Variants in MAGI1 observed in about 807,000 individuals in gnomAD.
MAGI1 encodes membrane-associated guanylate kinase, WW and PDZ domain-containing protein 1.
In MAGI1, 58 loss-of-function variants were observed where a neutral mutation model predicts 139.9. That is an observed-to-expected ratio of 0.41 (90% confidence interval 0.34 to 0.52). MAGI1 has a LOEUF of 0.52. Ranked by LOEUF, MAGI1 falls within the 20% of genes least tolerant of loss-of-function variation. The pLI is 0.12. For missense variants in MAGI1, 1,874 were observed against 1,901.6 expected, an observed-to-expected ratio of 0.99 and a Z score of 0.27; for synonymous variants, 812 against 737.9, an observed-to-expected ratio of 1.10 and a Z score of -1.63.
intron 2 of MAGI1, among the ~76,000 whole-genome samples, chr3:65,600,384 A>C (rs2082421458): frequency 6.6e-6 from 1 of 152,200 alleles, no homozygotes; most frequent in Non-Finnish European, 1.5e-5. Flanking sequence ...ATTATTTTCA[A>C]TCAGAGCTCC....
chr3:65,579,375 T>C (rs904552094), intron 2 of MAGI1, among the ~76,000 whole-genome samples: 2 of 152,086 alleles, frequency 1.3e-5, no homozygotes, highest in Non-Finnish European at 2.9e-5. Context: ...CCTTATACAG[T>C]TCCTTTCTGT....
At chr3:66,010,352 C>A (rs1320971067) in intron 1 of MAGI1, among the ~76,000 whole-genome samples, 1 of 152,082 alleles carries the variant, frequency 6.6e-6, no homozygotes, top group Admixed American at 6.5e-5. Flanking sequence ...TATGCATATC[C>A]CTAGGCAATA....
chr3:65,973,140 C>A (rs1008960324), intron 1 of MAGI1, among the ~76,000 whole-genome samples: 1 of 151,776 alleles, frequency 6.6e-6, no homozygotes. Flanking sequence ...CACAGTGAGA[C>A]CCTGTCTCAA....
intron 1 of MAGI1, among the ~76,000 whole-genome samples, chr3:65,935,533 G>A (rs758934376): frequency 2.6e-5 from 4 of 152,156 alleles, no homozygotes; most frequent in Admixed American, 6.5e-5. Context: ...GAGATGGAAG[G>A]ATCGCTTGAG....
chr3:65,849,001 C>CTGTTTTTTTTTTTT (rs2059106875), intron 1 of MAGI1, among the ~76,000 whole-genome samples: 1 of 39,636 alleles, frequency 2.5e-5, no homozygotes, highest in East Asian at 1.1e-3. Context: ...TCAGAGCATT[C>CTGTTTTTTTTTTTT]TTTTTTTTTT....
In MAGI1 at chr3:65,921,437, T is replaced by C. The variant is rs1451833006; in HGVS notation, c.313+116559A>G. 4.6e-5 allele frequency among the ~76,000 whole-genome samples: 7 copies of C among 151,816 alleles called. No homozygotes were observed. In the East Asian group the frequency reaches 1.4e-3, roughly 30 times the overall value. ...AATTCTCCCATCTCAGCCTCCCGAG[T>C]AGCTGGGACTACAGATATGCGCCAC... On this transcript the variant is annotated intron_variant, in intron 1 of 22. Coordinates refer to ENST00000402939, the MANE Select transcript of MAGI1 (RefSeq NM_001033057.2).
At position 65,846,545 on chromosome 3, in the gene MAGI1, A is replaced by G. The variant is rs59122152; in HGVS notation, c.313+191451T>C. Among the ~76,000 whole-genome samples the G allele has an allele frequency of 1.4e-3, 215 of 152,368 alleles. 2 individuals carry two copies. Among genetic ancestry groups the G allele is most frequent in the African/African-American group, 4.8e-3 (198 of 41,598 alleles). On this transcript the variant is annotated intron_variant, in intron 1 of 22. Coordinates refer to ENST00000402939, the MANE Select transcript of MAGI1 (RefSeq NM_001033057.2). ...CACCAGAGTCATAATAGGGCCCCAC[A>G]AAGGTCCTTATAGTAAGTCTGAGTA...
intron 1 of MAGI1, among the ~76,000 whole-genome samples, chr3:65,710,672 G>C (rs1559809094): frequency 1.3e-5 from 2 of 152,150 alleles, no homozygotes; most frequent in African/African-American, 4.8e-5. Flanking sequence ...AGACAATGCA[G>C]ATAGATACAG....
At chr3:65,590,283 A>C (rs570736326) in intron 2 of MAGI1, among the ~76,000 whole-genome samples, 5 of 152,280 alleles carry the variant, frequency 3.3e-5, no homozygotes, top group Admixed American at 3.3e-4. Flanking sequence ...TGTGAGGGTA[A>C]AGCTATTTTG....
chr3:65,487,535 G>A (rs898081938), intron 3 of MAGI1, among the ~76,000 whole-genome samples: 1 of 152,110 alleles, frequency 6.6e-6, no homozygotes, highest in East Asian at 1.9e-4. Flanking sequence ...CTGGATTTCA[G>A]TTCTATCATC....
intron 1 of MAGI1, among the ~76,000 whole-genome samples, chr3:66,001,013 T>C (rs749506025): frequency 2.0e-5 from 3 of 152,190 alleles, no homozygotes; most frequent in Non-Finnish European, 4.4e-5. Flanking sequence ...TGGAGATACA[T>C]AGCAAAATGG....
intron 1 of MAGI1, among the ~76,000 whole-genome samples, chr3:66,011,468 A>G (rs1250519598): frequency 6.6e-6 from 1 of 152,180 alleles, no homozygotes; most frequent in African/African-American, 2.4e-5. Flanking sequence ...GCCCACATGC[A>G]GTGAACACTA....
intron 1 of MAGI1, among the ~76,000 whole-genome samples, chr3:65,916,844 T>C (rs763812799): frequency 1.3e-5 from 2 of 151,708 alleles, no homozygotes; most frequent in Non-Finnish European, 2.9e-5. Flanking sequence ...AGAAACCAAA[T>C]AATGAAATAA....
intron 1 of MAGI1, among the ~76,000 whole-genome samples, chr3:65,665,294 A>G (rs2086442529): frequency 6.6e-6 from 1 of 152,126 alleles, no homozygotes; most frequent in Non-Finnish European, 1.5e-5. Flanking sequence ...GAAAAAGAAA[A>G]CGGAAATTGG....
At chr3:65,631,633 C>T (rs146242627) in intron 1 of MAGI1, among the ~76,000 whole-genome samples, 1 of 152,158 alleles carries the variant, frequency 6.6e-6, no homozygotes, top group Non-Finnish European at 1.5e-5. Flanking sequence ...CCAGAAAGAT[C>T]ATATTAGCTT....
intron 1 of MAGI1, among the ~76,000 whole-genome samples, chr3:65,692,594 T>C (rs2088778782): frequency 6.6e-6 from 1 of 152,146 alleles, no homozygotes; most frequent in Admixed American, 6.5e-5. Context: ...GAGGCTGCTA[T>C]GGTTTGAATG....
intron 1 of MAGI1, among the ~76,000 whole-genome samples, chr3:65,962,406 C>T (rs566543978): frequency 1.3e-3 from 200 of 152,044 alleles, no homozygotes; most frequent in African/African-American, 4.6e-3. Flanking sequence ...CAGGCGTGAG[C>T]CACCGCGCCC....
intron 1 of MAGI1, among the ~76,000 whole-genome samples, chr3:65,789,086 C>T (rs779069394): frequency 6.6e-6 from 1 of 152,050 alleles, no homozygotes; most frequent in Non-Finnish European, 1.5e-5. Context: ...GAGGCTAAGG[C>T]GGGAGGATTG....
chr3:66,031,140 C>G (rs576379638), intron 1 of MAGI1, among the ~76,000 whole-genome samples: 43 of 152,178 alleles, frequency 2.8e-4, no homozygotes, highest in Admixed American at 3.3e-4. Context: ...TGCAAAAAGA[C>G]AGGCAGGCAT....
Sources: gnomAD v4.1 joint callset for allele counts (sites outside exome capture counted in the v4.1 genomes callset) on GRCh38, gnomAD v4.1.1 for gene constraint, MANE v1.5 for transcripts, NCBI Gene and HGNC (gene_info 2026-07-23, HGNC 2026-07-21) for gene names.